MSRA: variants seen among roughly 807,000 people sequenced by gnomAD.
MSRA encodes the protein mitochondrial peptide methionine sulfoxide reductase.
A neutral mutation model predicts 31.3 loss-of-function variants in MSRA; 54 were observed. The ratio of observed to expected loss-of-function variants is 1.73; its 90% CI spans 1.39 to 2.17. MSRA has a LOEUF of 2.17. MSRA is among the 30% of genes most tolerant of loss of function. MSRA has a pLI of 0.00. For missense variants in MSRA, 507 were observed against 300.9 expected (o/e 1.69, Z -5.07); for synonymous variants, 169 against 116.5 (o/e 1.45, Z -2.90).
chr8:10,144,650 C>A (rs1438546796), intron 1 of MSRA, among the ~76,000 whole-genome samples: 2 of 147,944 alleles, frequency 1.4e-5, no homozygotes, highest in African/African-American at 5.0e-5. Context: ...CTGCAATGTG[C>A]CCAACCCCCA....
intron 3 of MSRA, chr8:10,250,545 C>G (rs1797861700): frequency 5.8e-6 from 4 of 691,250 alleles, no homozygotes; most frequent in Non-Finnish European, 1.1e-5. Context: ...AAGATTTACA[C>G]AAGCAGCACG....
chr8:10,328,732 A>G (rs943925688), intron 5 of MSRA, among the ~76,000 whole-genome samples: 11 of 152,230 alleles, frequency 7.2e-5, no homozygotes, highest in African/African-American at 2.7e-4. Context: ...GATGTAGCCT[A>G]TAATTCTTAA....
chr8:10,333,291 T>A (rs937471536), intron 5 of MSRA, among the ~76,000 whole-genome samples: 1 of 152,180 alleles, frequency 6.6e-6, no homozygotes, highest in African/African-American at 2.4e-5. Flanking sequence ...TTACGGTGTA[T>A]CCAGATGAAT....
chr8:10,207,239 G>A (rs1417582734), intron 1 of MSRA, among the ~76,000 whole-genome samples: 1 of 152,180 alleles, frequency 6.6e-6, no homozygotes, highest in African/African-American at 2.4e-5. Context: ...AGGAGGACCT[G>A]GGTGGGGGGA....
chr8:10,352,872 T>TA (rs1242163274), intron 5 of MSRA, among the ~76,000 whole-genome samples: 2 of 152,116 alleles, frequency 1.3e-5, no homozygotes, highest in Non-Finnish European at 2.9e-5. Flanking sequence ...ATTTTTCTTT[T>TA]AAAAAATCGG....
chr8:10,297,489 G>T (rs1248012564), intron 3 of MSRA, among the ~76,000 whole-genome samples: 1 of 152,186 alleles, frequency 6.6e-6, no homozygotes, highest in Non-Finnish European at 1.5e-5. Context: ...TTCATCTCTG[G>T]AAGCACAAGA....
intron 1 of MSRA, among the ~76,000 whole-genome samples, chr8:10,176,607 A>G (rs1236437114): frequency 6.6e-6 from 1 of 152,208 alleles, no homozygotes; most frequent in Non-Finnish European, 1.5e-5. Context: ...TTTTCCCCAA[A>G]TACTGCTTTC....
chr8:10,160,453 C>G (rs1205537728), intron 1 of MSRA, among the ~76,000 whole-genome samples: 1 of 151,568 alleles, frequency 6.6e-6, no homozygotes, highest in Non-Finnish European at 1.5e-5. Context: ...CAAGATGGTG[C>G]CACCGCACTC....
intron 5 of MSRA, among the ~76,000 whole-genome samples, chr8:10,412,352 G>A (rs1208332508): frequency 2.6e-5 from 4 of 152,180 alleles, no homozygotes; most frequent in Non-Finnish European, 5.9e-5. Flanking sequence ...CTGGTACTTT[G>A]TGTAATGCCC....
At chr8:10,162,086 G>C (rs1563167812) in intron 1 of MSRA, among the ~76,000 whole-genome samples, 1 of 152,308 alleles carries the variant, frequency 6.6e-6, no homozygotes, top group East Asian at 1.9e-4. Context: ...AGGGCCGTAG[G>C]AATTCCGATG....
chr8:10,408,944 A>G (rs1345979453), intron 5 of MSRA, among the ~76,000 whole-genome samples: 3 of 152,178 alleles, frequency 2.0e-5, no homozygotes, highest in Non-Finnish European at 4.4e-5. Context: ...CATATACGCC[A>G]CATTTTCTTT....
chr8:10,121,391 C>T (rs752789516), intron 1 of MSRA, among the ~76,000 whole-genome samples: 1 of 152,168 alleles, frequency 6.6e-6, no homozygotes, highest in Non-Finnish European at 1.5e-5. Context: ...TGGCCCCCAC[C>T]TACCTAAACA....
chr8:10,276,843 C>G (rs529242064), intron 3 of MSRA, among the ~76,000 whole-genome samples: 2 of 152,160 alleles, frequency 1.3e-5, no homozygotes, highest in Non-Finnish European at 2.9e-5. Flanking sequence ...TCCCCGAGGT[C>G]TACATATGAT....
At chr8:10,278,957 G>C (rs149496491) in intron 3 of MSRA, among the ~76,000 whole-genome samples, 21 of 152,244 alleles carry the variant, frequency 1.4e-4, no homozygotes, top group African/African-American at 5.1e-4. Context: ...CATTGAGCAT[G>C]CCTAGTAACT....
chr8:10,139,715 C>A (rs1802547031), intron 1 of MSRA, among the ~76,000 whole-genome samples: 6 of 152,192 alleles, frequency 3.9e-5, no homozygotes. Flanking sequence ...GAGTAGTAGT[C>A]CACTGTATGT....
intron 2 of MSRA, among the ~76,000 whole-genome samples, chr8:10,215,251 T>C (rs1444238263): frequency 2.6e-5 from 4 of 152,214 alleles, no homozygotes; most frequent in Non-Finnish European, 5.9e-5. Flanking sequence ...CTGTAAAGAA[T>C]TCAGAATTCC....
chr8:10,237,389 T>G (rs1812035184), intron 2 of MSRA, among the ~76,000 whole-genome samples: 1 of 152,252 alleles, frequency 6.6e-6, no homozygotes, highest in Non-Finnish European at 1.5e-5. Flanking sequence ...CATTTGTAGG[T>G]CAATTATATA....
intron 1 of MSRA, chr8:10,095,653 C>G (rs1292227164): frequency 3.1e-5 from 31 of 997,840 alleles, no homozygotes; most frequent in South Asian, 4.7e-5. Context: ...CTTCTTTTGT[C>G]TGCTTTCTCG....
rs555194909 is a variant in MSRA at position 10,245,338 on chromosome 8, A to G, written c.331+115A>G. ...ATGTTTTTTTAAAAATGTTTCTTCA[A>G]TCTTTATTATTTGTATATATATACT... On this transcript the variant is annotated intron_variant, in intron 3 of 5. Transcript: ENST00000317173. 176 of 996,108 alleles carry G rather than the reference A, an allele frequency of 1.8e-4. 1 individual carries two copies. The highest frequency in any genetic ancestry group is 6.2e-4 in the African/African-American group (38 of 60,848). 61.7% of individuals were successfully genotyped at this position (996,108 alleles called of 1,614,324 possible). A position where few individuals can be genotyped will look rare whatever the true frequency, so the allele number is the denominator to read the frequency against.
Sources: gnomAD v4.1 joint callset for allele counts (sites outside exome capture counted in the v4.1 genomes callset) on GRCh38, gnomAD v4.1.1 for gene constraint, MANE v1.5 for transcripts, NCBI Gene and HGNC (gene_info 2026-07-23, HGNC 2026-07-21) for gene names.